The following C11orf65 variants were observed in gnomAD, a reference collection of about 807,000 sequenced individuals.
C11orf65 encodes the protein protein MFI.
In C11orf65, 38 loss-of-function variants were observed where a neutral mutation model predicts 35.3. The observed-to-expected ratio is 1.08, with a 90% CI of 0.83 to 1.41. C11orf65 has a LOEUF of 1.41. Ranked by LOEUF, C11orf65 falls within the 40% of genes most tolerant of loss-of-function variation. The pLI is 0.00. For missense variants in C11orf65, 370 were observed against 367.1 expected (o/e 1.01, Z -0.06); for synonymous variants, 105 against 114.4 (o/e 0.92, Z 0.53).
chr11:108,465,655 G>A (rs570285343), intron 1 of C11orf65, among the ~76,000 whole-genome samples: 1 of 151,918 alleles, frequency 6.6e-6, no homozygotes, highest in Admixed American at 6.6e-5. Context: ...AAAATGGGGT[G>A]TAGCTAGAGA....
At chr11:108,372,257 G>A (rs1315463767) in intron 2 of C11orf65, among the ~76,000 whole-genome samples, 9 of 152,154 alleles carry the variant, frequency 5.9e-5, no homozygotes, top group Non-Finnish European at 8.8e-5. Flanking sequence ...GCAGCAGCAC[G>A]ATCTCGGCTC....
rs575354684 is a variant in C11orf65 at position 108,326,230 on chromosome 11, G to C, written c.641-17159C>G. 6.2e-7 allele frequency: 1 copy of C among 1,608,914 alleles called. No individual in the cohort carries two copies. Among genetic ancestry groups the C allele is most frequent in the South Asian group, 1.1e-5 (1 of 90,862 alleles). Reference sequence around the variant, plus strand: ...TTGGATGCCAGCTGTGCAGCGGTTTGTTTTTTTTATTGGCTGGATTAGTGT... The same window carrying C: ...TTGGATGCCAGCTGTGCAGCGGTTTCTTTTTTTTATTGGCTGGATTAGTGT... On this transcript the variant is annotated intron_variant, in intron 6 of 6. Transcript: ENST00000525729.
chr11:108,457,448 C>G (rs992063162), intron 2 of C11orf65, among the ~76,000 whole-genome samples: 7 of 152,142 alleles, frequency 4.6e-5, no homozygotes, highest in Admixed American at 2.6e-4. Flanking sequence ...TCAAGATCAG[C>G]CTGGCCAAGA....
At chr11:108,390,649 T>C (rs531520692) in intron 7 of C11orf65, among the ~76,000 whole-genome samples, 14 of 152,322 alleles carry the variant, frequency 9.2e-5, no homozygotes, top group African/African-American at 3.1e-4. Context: ...TCTTTCCCTT[T>C]CTTCCCTCTC....
intron 3 of C11orf65, among the ~76,000 whole-genome samples, chr11:108,408,356 CTATTGT>C (rs1005318870): frequency 1.3e-5 from 2 of 151,922 alleles, no homozygotes; most frequent in Admixed American, 1.3e-4. Context: ...TCCTAATTAG[CTATTGT>C]TAAATTTAAA....
intron 6 of C11orf65, among the ~76,000 whole-genome samples, chr11:108,320,429 A>T (rs1260050974): frequency 6.6e-6 from 1 of 152,252 alleles, no homozygotes; most frequent in Non-Finnish European, 1.5e-5. Context: ...CACAAATGTG[A>T]TGAGGCATGA....
rs762480749 is a variant in C11orf65 at position 108,317,328 on chromosome 11, A to G, written c.641-8257T>C. 5.7e-6 allele frequency: 9 copies of G among 1,585,014 alleles called. No individual in the cohort carries two copies. In the African/African-American group the frequency reaches 9.5e-5, roughly 17 times the overall value. On this transcript the variant is annotated intron_variant, in intron 6 of 6. Coordinates refer to the C11orf65 transcript ENST00000525729. ...TGTTTTTTTCTCTGGTTTTCTGTTGATATCTTTGATTACTTAACTTAAAAA... is the reference window on the plus strand; with the variant it reads ...TGTTTTTTTCTCTGGTTTTCTGTTGGTATCTTTGATTACTTAACTTAAAAA...
intron 3 of C11orf65, chr11:108,331,716 A>C (rs1391795502): frequency 5.3e-6 from 7 of 1,309,938 alleles, no homozygotes; most frequent in Non-Finnish European, 7.3e-6. Context: ...TTCTCTCTCT[A>C]ATTCCTCATA....
intron 2 of C11orf65, among the ~76,000 whole-genome samples, chr11:108,447,757 T>C (rs1169277833): frequency 6.6e-6 from 1 of 152,068 alleles, no homozygotes; most frequent in African/African-American, 2.4e-5. Context: ...ATTCAAAAGC[T>C]AGCAGAAGGC....
intron 2 of C11orf65, among the ~76,000 whole-genome samples, chr11:108,343,936 C>T (rs937481953): frequency 1.3e-5 from 2 of 152,190 alleles, no homozygotes; most frequent in African/African-American, 4.8e-5. Context: ...TGTATGTTTT[C>T]TGTCTACCAG....
At chr11:108,467,272 C>T (rs973523113) in intron 1 of C11orf65, among the ~76,000 whole-genome samples, 199 bp downstream of exon 1, 7 of 152,140 alleles carry the variant, frequency 4.6e-5, no homozygotes, top group Middle Eastern at 6.8e-3. Flanking sequence ...TACTCCCGGG[C>T]AGGACTGTAA....
intron 2 of C11orf65, among the ~76,000 whole-genome samples, chr11:108,362,179 C>G (rs2090843421): frequency 7.0e-6 from 1 of 143,534 alleles, no homozygotes; most frequent in African/African-American, 2.6e-5. Flanking sequence ...ATTTATGCAG[C>G]CAAAAAACAC....
intron 2 of C11orf65, among the ~76,000 whole-genome samples, chr11:108,447,025 A>G (rs2093272986): frequency 6.6e-6 from 1 of 152,200 alleles, no homozygotes; most frequent in Non-Finnish European, 1.5e-5. Context: ...AAAGATCAAA[A>G]GAGACAAAGA....
intron 2 of C11orf65, chr11:108,369,067 A>G (rs2091469329): frequency 5.7e-6 from 1 of 174,064 alleles, no homozygotes. Flanking sequence ...TGAATTTATT[A>G]TAAAGTGTTT....
intron 7 of C11orf65, among the ~76,000 whole-genome samples, chr11:108,387,725 G>A (rs773542424): frequency 1.3e-5 from 2 of 151,338 alleles, no homozygotes; most frequent in Admixed American, 6.6e-5. Flanking sequence ...ATGGGGTCTC[G>A]GTATTTTGCC....
At chr11:108,373,386 A>C (rs924524371) in intron 2 of C11orf65, among the ~76,000 whole-genome samples, 6 of 152,228 alleles carry the variant, frequency 3.9e-5, no homozygotes, top group Non-Finnish European at 5.9e-5. Context: ...GTCATATTTA[A>C]TGATGAAAAC....
At chr11:108,330,711 T>G (rs1043109695), downstream of C11orf65, among the ~76,000 whole-genome samples, 12 of 152,220 alleles carry the variant, frequency 7.9e-5, no homozygotes, top group African/African-American at 2.9e-4. Context: ...GTCTTTGCAG[T>G]TACCATAGGA....
chr11:108,437,528 AC>A (rs1297625017), intron 2 of C11orf65, among the ~76,000 whole-genome samples: 2 of 151,282 alleles, frequency 1.3e-5, no homozygotes, highest in African/African-American at 4.9e-5. Context: ...ACATGGTGAA[AC>A]CCCGTCTCTA....
At chr11:108,315,941 A>G (rs1343181576) in intron 6 of C11orf65, 2 of 1,606,434 alleles carry the variant, frequency 1.2e-6, no homozygotes, top group Admixed American at 1.7e-5. Context: ...ACAACGGTAT[A>G]GTAATTCTGT....
Sources: allele counts gnomAD v4.1 joint callset (sites outside exome capture counted in the v4.1 genomes callset), GRCh38; gene constraint gnomAD v4.1.1; transcripts MANE v1.5; gene names NCBI Gene and HGNC (gene_info 2026-07-23, HGNC 2026-07-21).